HES4: variants seen among roughly 807,000 people sequenced by gnomAD.
HES4 encodes the protein hes family bHLH transcription factor 4.
A neutral mutation model predicts 10.7 loss-of-function variants in HES4; 17 were observed. The observed-to-expected ratio is 1.59, with a 90% CI of 1.09 to 2.38. HES4 has a LOEUF of 2.38. Among genes scored for constraint, HES4 ranks in the 30% most tolerant of loss-of-function variants. The probability of loss-of-function intolerance (pLI) is 0.00; values close to 1 mark genes in which losing one functional copy is unlikely to be tolerated. For missense variants in HES4, 389 were observed against 332.1 expected, an observed-to-expected ratio of 1.17 and a Z score of -1.33; for synonymous variants, 189 against 159.7, an observed-to-expected ratio of 1.18 and a Z score of -1.38.
intron 1 of HES4, 26 bp downstream of exon 1, chr1:999,840 C>T (rs759590616): frequency 3.8e-6 from 6 of 1,592,306 alleles, no homozygotes; most frequent in Admixed American, 1.7e-5. Flanking sequence ...CCCGGTCGCC[C>T]CCCTCACGCC....
In HES4 at chr1:999,721, T is replaced by C. The variant is rs959097937; in HGVS notation, c.175A>G (p.Thr59Ala). 1.2e-6 allele frequency: 2 copies of C among 1,611,352 alleles called. No individual in the cohort carries two copies. The highest frequency in any genetic ancestry group is 1.7e-6 in the Non-Finnish European group (2 of 1,179,288). The stretch of plus-strand genomic sequence containing the variant: ...TTTCTGAGGGCGTCCAGGATGAGGG[T>C]TTTGAGCTGAGCGAGGCTCTCGTTA... ...RINESLAQLK[T>A]LILDALRKES... is the part of the protein sequence containing the mutation. Residue 59 changes from threonine (T) to alanine (A), a missense_variant, in exon 2 of 4, where the codon ACC becomes GCC. Thr to Ala is a moderately conservative substitution (Grantham distance 58, BLOSUM62 0). Coordinates refer to ENST00000304952, the MANE Select transcript of HES4 (RefSeq NM_021170.4).
Position 999,369 on chromosome 1 carries a change from G to A in HES4, c.356C>T (p.Ala119Val), listed in dbSNP as rs1643988284. 2.7e-6 allele frequency: 4 copies of A among 1,501,024 alleles called. 1 individual carries two copies. In the South Asian group the frequency reaches 3.8e-5, roughly 14 times the overall value. The allele number at this position is 1,501,024 out of a possible 1,614,324, so 93.0% of individuals were successfully genotyped here. A position where few individuals can be genotyped will look rare whatever the true frequency, so the allele number is the denominator to read the frequency against. Residue 119 changes from alanine to valine, a missense_variant, in exon 4 of 4, where the codon GCG (alanine) becomes GTG (valine). Coordinates refer to ENST00000304952, the MANE Select transcript of HES4 (RefSeq NM_021170.4). ...GCCGGCCAGGAAGCGGTTCACCTCCGCCAGACACTCGTGGAAGCCGGCGCG... is the reference window on the plus strand; with the variant it reads ...GCCGGCCAGGAAGCGGTTCACCTCCACCAGACACTCGTGGAAGCCGGCGCG... ...KYRAGFHECL[A>V]EVNRFLAGCE... is the part of the protein sequence containing the mutation.
In HES4 at chr1:999,572, C is replaced by A. The variant is rs774500086; in HGVS notation, c.246G>T (p.Glu82Asp). ...GGCTCCGCAGGTGTCTCACGGTCATCTCCAGGATGTCCGCCTTCTCCAGCT... is the reference window on the plus strand; with the variant it reads ...GGCTCCGCAGGTGTCTCACGGTCATATCCAGGATGTCCGCCTTCTCCAGCT... ...HSKLEKADILEMTVRHLRSLR... is the reference protein window; with the variant it reads ...HSKLEKADILDMTVRHLRSLR... Residue 82 changes from glutamate to aspartate, a missense_variant, in exon 3 of 4, where the codon GAG (glutamate) becomes GAT (aspartate). Coordinates refer to ENST00000304952, the MANE Select transcript of HES4 (RefSeq NM_021170.4). The A allele has an allele frequency of 1.9e-6, 3 of 1,609,696 alleles. No individual in the cohort carries two copies. The highest frequency in any genetic ancestry group is 3.3e-5 in the Admixed American group (2 of 59,708).
chr1:999,022 G>A lies in HES4; in HGVS notation c.*37C>T, dbSNP rs777545130. ...TCGGCAAAGGCCACGGCCCTAGAAC[G>A]GGGCGCCGCCTCCGATGCAGTCTCA... On this transcript the variant is annotated 3_prime_UTR_variant, in exon 4 of 4. Transcript: ENST00000304952. The A allele has an allele frequency of 7.9e-7, 1 of 1,260,862 alleles. No individual in the cohort carries two copies. Among genetic ancestry groups the A allele is most frequent in the Non-Finnish European group, 1.0e-6 (1 of 998,876 alleles). The allele number at this position is 1,260,862 out of a possible 1,614,324, so 78.1% of individuals were successfully genotyped here. A position where few individuals can be genotyped will look rare whatever the true frequency, so the allele number is the denominator to read the frequency against.
Position 999,086 on chromosome 1 carries a change from ACCCGGGCCCTGCGGC to A in HES4, c.624_638del (p.Pro209_Gly213del). On this transcript the variant is annotated inframe_deletion, in exon 4 of 4. Transcript: ENST00000304952. The stretch of plus-strand genomic sequence containing the variant: ...AGCGCAGCCACGGCCTCCAGGGCCC[ACCCGGGCCCTGCGGC>A]CCCGCCCTGGGGGCGGCGGGCAGCG... 1 of 1,235,954 alleles carries A rather than the reference ACCCGGGCCCTGCGGC, an allele frequency of 8.1e-7. No individual in the cohort carries two copies. The highest frequency in any genetic ancestry group is 1.0e-6 in the Non-Finnish European group (1 of 989,566). The allele number at this position is 1,235,954 out of a possible 1,614,324, so 76.6% of individuals were successfully genotyped here. A position where few individuals can be genotyped will look rare whatever the true frequency, so the allele number is the denominator to read the frequency against.
At position 999,087 on chromosome 1, in the gene HES4, C is replaced by G; in HGVS notation, c.638G>C (p.Gly213Ala). ...AAPRAGPQGP[G>A]GPWRPWLR The stretch of plus-strand genomic sequence containing the variant: ...GCGCAGCCACGGCCTCCAGGGCCCA[C>G]CCGGGCCCTGCGGCCCCGCCCTGGG... Residue 213 changes from glycine to alanine, a missense_variant, in exon 4 of 4, where the codon GGT (glycine) becomes GCT (alanine). By Grantham distance (60) the Gly-to-Ala change is moderately conservative. Coordinates refer to ENST00000304952, the MANE Select transcript of HES4 (RefSeq NM_021170.4). 1.6e-6 allele frequency: 2 copies of G among 1,236,550 alleles called. No homozygotes were observed. Among genetic ancestry groups the G allele is most frequent in the African/African-American group, 3.1e-5 (2 of 64,330 alleles). The allele number at this position is 1,236,550 out of a possible 1,614,324, so 76.6% of individuals were successfully genotyped here.
chr1:999,492 C>A, intron 3 of HES4, 34 bp downstream of exon 3: 1 of 1,565,276 alleles, frequency 6.4e-7, no homozygotes, highest in Non-Finnish European at 8.6e-7. Flanking sequence ...CGCGCCCTCC[C>A]CCCGCCTCCA....
At position 999,011 on chromosome 1, in the gene HES4, G is replaced by T; in HGVS notation, c.*48C>A. The T allele has an allele frequency of 1.6e-6, 2 of 1,254,696 alleles. No homozygotes were observed. The highest frequency in any genetic ancestry group is 2.0e-6 in the Non-Finnish European group (2 of 994,058). The allele number at this position is 1,254,696 out of a possible 1,614,324, so 77.7% of individuals were successfully genotyped here. ...CTGCTACAGTCTCGGCAAAGGCCAC[G>T]GCCCTAGAACGGGGCGCCGCCTCCG... On this transcript the variant is annotated 3_prime_UTR_variant, in exon 4 of 4. Coordinates refer to ENST00000304952, the MANE Select transcript of HES4 (RefSeq NM_021170.4).
chr1:999,455 G>C lies in HES4; in HGVS notation c.293-23C>G, dbSNP rs1179497204. On this transcript the variant is annotated intron_variant, in intron 3 of 3. Transcript: ENST00000304952. Reference sequence around the variant, plus strand: ...CGGCTGCGGGAGCGACACAGGAGGAGAGGTCGGTGCCGGGTCCCGGGGGTC... The same window carrying C: ...CGGCTGCGGGAGCGACACAGGAGGACAGGTCGGTGCCGGGTCCCGGGGGTC... 4 of 1,551,388 alleles carry C rather than the reference G, an allele frequency of 2.6e-6. No individual in the cohort carries two copies. The East Asian group carries it at 7.2e-5, about 28-fold the overall frequency.
chr1:999,183 G>T lies in HES4; in HGVS notation c.542C>A (p.Ser181Ter). The T allele has an allele frequency of 8.0e-7, 1 of 1,257,312 alleles. No individual in the cohort carries two copies. Among genetic ancestry groups the T allele is most frequent in the African/African-American group, 1.6e-5 (1 of 63,984 alleles). 77.9% of individuals were successfully genotyped at this position (1,257,312 alleles called of 1,614,324 possible). The change falls in exon 4 of 4, where the codon TCG becomes TAG. Residue 181 changes from serine to a stop codon, truncating the protein, a stop_gained. Transcript: ENST00000304952. LOFTEE classifies it low-confidence loss of function (END_TRUNC). Reference protein sequence around the residue: ...EVYAGRPLLPSLGGPFPLLAP... With the variant: ...EVYAGRPLLP The stretch of plus-strand genomic sequence containing the variant: ...GAGCAGAGGGAAGGGGCCGCCGAGC[G>T]ATGGCAGCAGCGGGCGGCCCGCGTA...
Position 999,953 on chromosome 1 carries a change from C to A in HES4, c.21G>T (p.Gly7=), listed in dbSNP as rs973472463. 6 of 1,451,190 alleles carry A rather than the reference C, an allele frequency of 4.1e-6. No homozygotes were observed. The highest frequency in any genetic ancestry group is 1.5e-5 in the African/African-American group (1 of 66,580). 89.9% of individuals were successfully genotyped at this position (1,451,190 alleles called of 1,614,324 possible). Residue 7 remains glycine (G), a synonymous_variant, in exon 1 of 4, where the codon GGG becomes GGT. Transcript: ENST00000304952. The part of the protein sequence containing the change: MAADTP[G]KPSASPMAGA... ...CTGCCATCGGCGAGGCGCTCGGTTT[C>A]CCCGGCGTGTCTGCGGCCATGGTGC...
Position 1,000,096 on chromosome 1 carries a change from G to A in HES4, c.-123C>T. ...TAGGGCGGATCCCGGCTCCAGGCCC[G>A]CGCGCGCCTCAGGCCGTTTCCCTAT... On this transcript the variant is annotated 5_prime_UTR_variant, in exon 1 of 4. Transcript: ENST00000304952. 6.1e-6 allele frequency: 5 copies of A among 814,916 alleles called. No individual in the cohort carries two copies. The highest frequency in any genetic ancestry group is 5.5e-5 in the East Asian group (1 of 18,322). The allele number at this position is 814,916 out of a possible 1,614,324, so 50.5% of individuals were successfully genotyped here. A position where few individuals can be genotyped will look rare whatever the true frequency, so the allele number is the denominator to read the frequency against.
rs1242535741 is a variant in HES4, at chr1:1,000,059, G to C, written c.-86C>G. On this transcript the variant is annotated 5_prime_UTR_variant, in exon 1 of 4. The change creates a new upstream start codon in the 5' untranslated region. Transcript: ENST00000304952. ...GGCGGGCGAGCGGCGAGCGCGCGGCGATCCGAGCCCCTAGGGCGGATCCCG... is the reference window on the plus strand; with the variant it reads ...GGCGGGCGAGCGGCGAGCGCGCGGCCATCCGAGCCCCTAGGGCGGATCCCG... 1 of 1,133,856 alleles carries C rather than the reference G, an allele frequency of 8.8e-7. No homozygotes were observed. Among genetic ancestry groups the C allele is most frequent in the Admixed American group, 4.7e-5 (1 of 21,338 alleles). The allele number at this position is 1,133,856 out of a possible 1,614,324, so 70.2% of individuals were successfully genotyped here.
Position 999,058 on chromosome 1 carries a change from C to A in HES4, c.*1G>T. The stretch of plus-strand genomic sequence containing the variant: ...TCCGATGCAGTCTCAGGGCCACAGC[C>A]TCAGCGCAGCCACGGCCTCCAGGGC... On this transcript the variant is annotated 3_prime_UTR_variant, in exon 4 of 4. Coordinates refer to ENST00000304952, the MANE Select transcript of HES4 (RefSeq NM_021170.4). 7.9e-7 allele frequency: 1 copy of A among 1,264,094 alleles called. No homozygotes were observed. The allele number at this position is 1,264,094 out of a possible 1,614,324, so 78.3% of individuals were successfully genotyped here.
In HES4 at chr1:1,000,033, T is replaced by C. The variant is rs1320499259; in HGVS notation, c.-60A>G. On this transcript the variant is annotated 5_prime_UTR_variant, in exon 1 of 4. Transcript: ENST00000304952. Reference sequence around the variant, plus strand: ...GCGCCGCCACGGACCACGGGCGGGCTGGCGGGCGAGCGGCGAGCGCGCGGC... The same window carrying C: ...GCGCCGCCACGGACCACGGGCGGGCCGGCGGGCGAGCGGCGAGCGCGCGGC... 1.2e-5 allele frequency: 14 copies of C among 1,212,146 alleles called. No homozygotes were observed. The highest frequency in any genetic ancestry group is 1.4e-5 in the Non-Finnish European group (14 of 976,844). The allele number at this position is 1,212,146 out of a possible 1,614,324, so 75.1% of individuals were successfully genotyped here. A position where few individuals can be genotyped will look rare whatever the true frequency, so the allele number is the denominator to read the frequency against.
rs1250474195 is a variant in HES4 at position 999,807 on chromosome 1, T to G, written c.109-20A>C. 4.4e-6 allele frequency: 7 copies of G among 1,607,654 alleles called. No individual in the cohort carries two copies. Among genetic ancestry groups the G allele is most frequent in the Non-Finnish European group, 2.5e-6 (3 of 1,178,176 alleles). On this transcript the variant is annotated intron_variant, in intron 1 of 3. Transcript: ENST00000304952. The stretch of plus-strand genomic sequence containing the variant: ...GGAGGACTGCGGGTCGGGCACCGGC[T>G]GAGTCCCGCGTCCCTCCCGCCCCCC...
Position 999,555 on chromosome 1 carries a change from A to T in HES4, c.263T>A (p.Leu88Gln). 1 of 1,605,386 alleles carries T rather than the reference A, an allele frequency of 6.2e-7. No individual in the cohort carries two copies. The highest frequency in any genetic ancestry group is 8.5e-7 in the Non-Finnish European group (1 of 1,177,044). Residue 88 changes from leucine to glutamine, a missense_variant, in exon 3 of 4, where the codon CTG becomes CAG. Transcript: ENST00000304952. ...ADILEMTVRH[L>Q]RSLRRVQVTA... Reference sequence around the variant, plus strand: ...CACCTGCACGCGACGCAGGCTCCGCAGGTGTCTCACGGTCATCTCCAGGAT... The same window carrying T: ...CACCTGCACGCGACGCAGGCTCCGCTGGTGTCTCACGGTCATCTCCAGGAT...
chr1:999,673 G>C lies in HES4; in HGVS notation c.204+19C>G, dbSNP rs1371087782. 6.2e-7 allele frequency: 1 copy of C among 1,611,494 alleles called. No homozygotes were observed. Among genetic ancestry groups the C allele is most frequent in the Non-Finnish European group, 8.5e-7 (1 of 1,179,434 alleles). The stretch of plus-strand genomic sequence containing the variant: ...CTGCGACCCAGACTCCGGGTCTCGG[G>C]CCTTCGCCCCCGACTTACCTCTTTT... On this transcript the variant is annotated intron_variant, in intron 2 of 3. Transcript: ENST00000304952.
Position 999,373 on chromosome 1 carries a change from G to C in HES4, c.352C>G (p.Leu118Val). 6.7e-7 allele frequency: 1 copy of C among 1,500,432 alleles called. No individual in the cohort carries two copies. Among genetic ancestry groups the C allele is most frequent in the Non-Finnish European group, 8.8e-7 (1 of 1,136,928 alleles). 92.9% of individuals were successfully genotyped at this position (1,500,432 alleles called of 1,614,324 possible). A position where few individuals can be genotyped will look rare whatever the true frequency, so the allele number is the denominator to read the frequency against. ...GCCAGGAAGCGGTTCACCTCCGCCAGACACTCGTGGAAGCCGGCGCGGTAC... is the reference window on the plus strand; with the variant it reads ...GCCAGGAAGCGGTTCACCTCCGCCACACACTCGTGGAAGCCGGCGCGGTAC... ...GKYRAGFHEC[L>V]AEVNRFLAGC... Residue 118 changes from leucine (L) to valine (V), a missense_variant, in exon 4 of 4, where the codon CTG becomes GTG. Transcript: ENST00000304952.
Sources: gnomAD v4.1 joint callset for allele counts on GRCh38, gnomAD v4.1.1 for gene constraint, MANE v1.5 for transcripts, NCBI Gene and HGNC (gene_info 2026-07-23, HGNC 2026-07-21) for gene names.